Variants in FIBP observed in about 807,000 individuals in gnomAD.
The protein encoded by FIBP is acidic fibroblast growth factor intracellular-binding protein.
A neutral mutation model predicts 40.5 loss-of-function variants in FIBP; 29 were observed. The ratio of observed to expected loss-of-function variants is 0.72; its 90% CI spans 0.53 to 0.98. The LOEUF (loss-of-function observed/expected upper bound fraction) is 0.98, where lower values mean the gene tolerates loss of function less well. Among genes scored for constraint, FIBP ranks in the 50% least tolerant of loss-of-function variants. FIBP has a pLI of 0.00. For missense variants in FIBP, 411 were observed against 470.2 expected (o/e 0.87, Z 1.16); for synonymous variants, 215 against 191.1 (o/e 1.13, Z -1.03).
chr11:65,885,212 G>A (rs749090777), intron 5 of FIBP, 26 bp from the exon 6 acceptor site: 1 of 1,246,376 alleles, frequency 8.0e-7, no homozygotes, highest in Non-Finnish European at 1.2e-6. Context: ...GGGGGTGGGG[G>A]TGGGTGATAA....
chr11:65,887,618 G>C lies in FIBP; in HGVS notation c.393C>G (p.Leu131=). The change falls in exon 3 of 10, where the codon CTC becomes CTG. Residue 131 remains leucine (L), a synonymous_variant. Transcript: ENST00000357519. ...TGCATACCTGTCTCCGGCAGCTCTT[G>C]AGGGTGATGCCTGTTTTGGTGCTGA... ...DDISTKTGIT[L]KSCRRQFDNF... The C allele has an allele frequency of 6.2e-7, 1 of 1,614,138 alleles. No homozygotes were observed. Among genetic ancestry groups the C allele is most frequent in the Non-Finnish European group, 8.5e-7 (1 of 1,180,014 alleles).
At position 65,887,995 on chromosome 11, in the gene FIBP, T is replaced by G. The variant is rs1484442617; in HGVS notation, c.223A>C (p.Lys75Gln). The G allele has an allele frequency of 1.9e-6, 3 of 1,613,510 alleles. No individual in the cohort carries two copies. In the East Asian group the frequency reaches 6.7e-5, roughly 36 times the overall value. Reference sequence around the variant, plus strand: ...TGGAAGATGAGCTGGTGCAGTAGCTTGGGCGGCGCATGCAGCAGCCGCTCG... The same window carrying G: ...TGGAAGATGAGCTGGTGCAGTAGCTGGGGCGGCGCATGCAGCAGCCGCTCG... ...MLERLLHAPP[K>Q]LLHQLIFQIP... The change falls in exon 2 of 10, where the codon AAG (lysine) becomes CAG (glutamine). Residue 75 changes from lysine to glutamine, a missense_variant. By Grantham distance (53) the Lys-to-Gln change is moderately conservative. Transcript: ENST00000357519.
chr11:65,885,475 A>G, intron 5 of FIBP, 55 bp downstream of exon 5: 2 of 1,583,306 alleles, frequency 1.3e-6, no homozygotes, highest in Non-Finnish European at 1.7e-6. Context: ...CTGGTGGGGA[A>G]TCAGGTCCTG....
rs1210501506 is a variant in FIBP at position 65,885,580 on chromosome 11, A to G, written c.596T>C (p.Phe199Ser). The G allele has an allele frequency of 6.2e-7, 1 of 1,614,148 alleles. No homozygotes were observed. The highest frequency in any genetic ancestry group is 8.5e-7 in the Non-Finnish European group (1 of 1,180,004). The change falls in exon 5 of 10, where the codon TTT (phenylalanine) becomes TCT (serine). Residue 199 changes from phenylalanine (F) to serine (S), a missense_variant. Phe to Ser is a radical substitution (Grantham distance 155, BLOSUM62 -2). Coordinates refer to ENST00000357519, the MANE Select transcript of FIBP (RefSeq NM_004214.5). ...KKLQYLSFGDFAFCAELMIQN... is the reference protein window; with the variant it reads ...KKLQYLSFGDSAFCAELMIQN... ...GATCATGAGCTCAGCGCAGAAGGCA[A>G]AGTCACCGAAGCTCAGATACTGCAG...
chr11:65,888,235 G>C, intron 1 of FIBP, 99 bp downstream of exon 1: 1 of 1,465,116 alleles, frequency 6.8e-7, no homozygotes, highest in Non-Finnish European at 9.2e-7. Context: ...CCAGGCGCTC[G>C]CCCACTTCCC....
chr11:65,884,271 G>A, intron 9 of FIBP, 121 bp downstream of exon 9: 1 of 948,834 alleles, frequency 1.1e-6, no homozygotes, highest in East Asian at 2.6e-5. Context: ...CTTTGGTCCA[G>A]AGACTTTGGT....
At chr11:65,885,811 C>A in intron 4 of FIBP, 148 bp from the exon 5 acceptor site, 2 of 759,924 alleles carry the variant, frequency 2.6e-6, no homozygotes, top group Non-Finnish European at 2.2e-6. Context: ...TTCTCTATGA[C>A]CCTTCCCCAT....
chr11:65,884,320 G>T, intron 9 of FIBP, 72 bp downstream of exon 9: 1 of 1,385,796 alleles, frequency 7.2e-7, no homozygotes, highest in Non-Finnish European at 1.0e-6. Context: ...CCTTGAGTCT[G>T]CAGGAGGCGA....
chr11:65,886,495 A>G, intron 3 of FIBP, 73 bp from the exon 4 acceptor site: 1 of 952,242 alleles, frequency 1.1e-6, no homozygotes, highest in East Asian at 2.4e-5. Context: ...TAAACCACTT[A>G]TTGAACATCT....
At chr11:65,886,674 C>A in intron 3 of FIBP, 1 of 422,954 alleles carries the variant, frequency 2.4e-6, no homozygotes, top group Non-Finnish European at 4.3e-6. Context: ...AATCCAACCC[C>A]ATTTTAGCAC....
At chr11:65,887,760 T>G in intron 2 of FIBP, 34 bp from the exon 3 acceptor site, 1 of 1,600,414 alleles carries the variant, frequency 6.2e-7, no homozygotes, top group East Asian at 2.2e-5. Flanking sequence ...TGACCCTCCA[T>G]AAAAGACAGG....
intron 1 of FIBP, 72 bp downstream of exon 1, chr11:65,888,262 C>G: frequency 6.7e-7 from 1 of 1,495,824 alleles, no homozygotes; most frequent in Non-Finnish European, 9.1e-7. Flanking sequence ...ATGCCCAAGT[C>G]TTAGCCCCGC....
chr11:65,887,619 A>T lies in FIBP; in HGVS notation c.392T>A (p.Leu131His). The T allele has an allele frequency of 6.2e-7, 1 of 1,614,024 alleles. No individual in the cohort carries two copies. The highest frequency in any genetic ancestry group is 8.5e-7 in the Non-Finnish European group (1 of 1,179,984). ...DDISTKTGIT[L>H]KSCRRQFDNF... ...GCATACCTGTCTCCGGCAGCTCTTG[A>T]GGGTGATGCCTGTTTTGGTGCTGAT... Residue 131 changes from leucine to histidine, a missense_variant, in exon 3 of 10, where the codon CTC becomes CAC. Transcript: ENST00000357519.
chr11:65,888,089 C>T lies in FIBP; in HGVS notation c.129G>A (p.Glu43=), dbSNP rs756003463. Reference sequence around the variant, plus strand: ...GCACCGCTGCCGTGGCGCCAGTCTGCTCCAGGATTCCCGAGCGCACCCGCA... The same window carrying T: ...GCACCGCTGCCGTGGCGCCAGTCTGTTCCAGGATTCCCGAGCGCACCCGCA... The part of the protein sequence containing the change: ...VALRVRSGIL[E]QTGATAAVLQ... The change falls in exon 2 of 10, where the codon GAG becomes GAA. Residue 43 remains glutamate (E), a synonymous_variant. Coordinates refer to ENST00000357519, the MANE Select transcript of FIBP (RefSeq NM_004214.5). 6 of 1,601,414 alleles carry T rather than the reference C, an allele frequency of 3.7e-6. No homozygotes were observed. The African/African-American group carries it at 6.7e-5, about 18-fold the overall frequency.
intron 4 of FIBP, 129 bp downstream of exon 4, chr11:65,886,193 A>G (rs1204743151): frequency 3.9e-6 from 2 of 510,846 alleles, no homozygotes; most frequent in African/African-American, 2.0e-5. Flanking sequence ...AAAAAAAAGT[A>G]CAGACCAAAA....
Position 65,884,371 on chromosome 11 carries a change from CAGG to C in FIBP, c.1004+18_1004+20del. 4 of 1,609,476 alleles carry C rather than the reference CAGG, an allele frequency of 2.5e-6. 1 individual carries two copies. The highest frequency in any genetic ancestry group is 2.2e-5 in the South Asian group (2 of 90,812). ...CAGGCTGGGGCAAAGCCAAGCTGGA[CAGG>C]AGGACAGGGCTGCTCACCGGAAGCC... is the stretch of plus-strand genomic sequence containing the variant. On this transcript the variant is annotated intron_variant, in intron 9 of 9. Transcript: ENST00000357519.
intron 9 of FIBP, 143 bp downstream of exon 9, chr11:65,884,249 G>A (rs1191925996): frequency 9.8e-6 from 8 of 813,390 alleles, no homozygotes; most frequent in African/African-American, 8.6e-5. Flanking sequence ...CTTCTAAGAG[G>A]GAGAGCCAGA....
At position 65,888,037 on chromosome 11, in the gene FIBP, G is replaced by T. The variant is rs1305230810; in HGVS notation, c.181C>A (p.Arg61Ser). The change falls in exon 2 of 10, where the codon CGC becomes AGC. Residue 61 changes from arginine to serine, a missense_variant. Transcript: ENST00000357519. ...VLQSDTMDHY[R>S]TFHMLERLLH... is the part of the protein sequence containing the mutation. ...AGCCGCTCGAGCATGTGGAAGGTGC[G>T]GTAATGGTCCATGGTGTCGCTCTGC... The T allele has an allele frequency of 6.2e-7, 1 of 1,612,158 alleles. No homozygotes were observed.
At chr11:65,885,320 C>CA in intron 5 of FIBP, 134 bp from the exon 6 acceptor site, 1 of 925,482 alleles carries the variant, frequency 1.1e-6, no homozygotes. Context: ...GATGGAGTGA[C>CA]ATGCCCCAGG....
Sources: gnomAD v4.1 joint callset for allele counts on GRCh38, gnomAD v4.1.1 for gene constraint, MANE v1.5 for transcripts, NCBI Gene and HGNC (gene_info 2026-07-23, HGNC 2026-07-21) for gene names.